RNF144A: variants seen among roughly 807,000 people sequenced by gnomAD.
The protein encoded by RNF144A is E3 ubiquitin-protein ligase RNF144A.
In RNF144A, 11 loss-of-function variants were observed where a neutral mutation model predicts 38.7. The ratio of observed to expected loss-of-function variants is 0.28; its 90% CI spans 0.18 to 0.47. The LOEUF (loss-of-function observed/expected upper bound fraction) is 0.47, where lower values mean the gene tolerates loss of function less well. RNF144A is among the 20% of genes least tolerant of loss of function. The pLI, the probability that RNF144A is intolerant of heterozygous loss-of-function variation, is 0.99. For missense variants in RNF144A, 316 were observed against 377.2 expected, an observed-to-expected ratio of 0.84 and a Z score of 1.34; for synonymous variants, 149 against 143.9, an observed-to-expected ratio of 1.04 and a Z score of -0.25.
intron 2 of RNF144A, among the ~76,000 whole-genome samples, chr2:6,970,627 A>T (rs949437650): frequency 2.0e-5 from 3 of 152,166 alleles, no homozygotes; most frequent in African/African-American, 7.2e-5. Flanking sequence ...CATTTTCCTC[A>T]TTTTATACAG....
chr2:6,956,249 G>T (rs1401875983), intron 2 of RNF144A, among the ~76,000 whole-genome samples: 1 of 151,576 alleles, frequency 6.6e-6, no homozygotes, highest in East Asian at 1.9e-4. Context: ...TTTTTTTCGG[G>T]GGGTGGGGGA....
intron 2 of RNF144A, among the ~76,000 whole-genome samples, chr2:6,954,708 C>T (rs1341375738): frequency 1.3e-5 from 2 of 152,138 alleles, no homozygotes; most frequent in Non-Finnish European, 2.9e-5. Flanking sequence ...TAAGTAGGCA[C>T]AAGAGATTTT....
chr2:7,048,379 C>T (rs1209094299), downstream of RNF144A, among the ~76,000 whole-genome samples: 2 of 152,170 alleles, frequency 1.3e-5, no homozygotes, highest in East Asian at 1.9e-4. Flanking sequence ...CACCCTGGGA[C>T]GTAAACTATT....
intron 1 of RNF144A, chr2:6,918,164 C>A (rs1332270144): frequency 6.6e-6 from 1 of 152,236 alleles, no homozygotes; most frequent in Non-Finnish European, 1.5e-5. Flanking sequence ...CAAGAGGATG[C>A]CCCGCACATC....
chr2:6,999,883 G>T (rs187473723), intron 3 of RNF144A, among the ~76,000 whole-genome samples: 10 of 152,310 alleles, frequency 6.6e-5, no homozygotes, highest in African/African-American at 2.4e-4. Context: ...GGTTCAGTGG[G>T]TTTGCTAATG....
Position 6,958,149 on chromosome 2 carries a change from G to A in RNF144A, c.-12+17002G>A, listed in dbSNP as rs1558383429. 6.6e-6 allele frequency among the ~76,000 whole-genome samples: 1 copy of A among 152,236 alleles called. No homozygotes were observed. The highest frequency in any genetic ancestry group is 6.5e-5 in the Admixed American group (1 of 15,288). On this transcript the variant is annotated intron_variant, in intron 2 of 8. Transcript: ENST00000320892. This position sits in a 1 kb window ranked among gnomAD's most constrained non-coding sequence, Gnocchi z 4.5. ...GGCTGTCATGCGCAGCCACCATGGG[G>A]CACCGGGCGTGCTGTCTCTTCCTGG...
At position 7,014,776 on chromosome 2, in the gene RNF144A, G is replaced by A. The variant is rs1272507230; in HGVS notation, c.301+4G>A. 6.2e-7 allele frequency: 1 copy of A among 1,604,508 alleles called. No individual in the cohort carries two copies. Among genetic ancestry groups the A allele is most frequent in the Non-Finnish European group, 8.5e-7 (1 of 1,171,858 alleles). On this transcript the variant is annotated splice_donor_region_variant and intron_variant, in intron 5 of 8. Coordinates refer to ENST00000320892, the MANE Select transcript of RNF144A (RefSeq NM_014746.6). The stretch of plus-strand genomic sequence containing the variant: ...AAAAAGCTACAATTTGAAAGAGGTA[G>A]GTGCCTGGTATATCTGCCGGTTATG...
chr2:7,003,003 T>A (rs1380980200), intron 3 of RNF144A, among the ~76,000 whole-genome samples: 1 of 151,710 alleles, frequency 6.6e-6, no homozygotes, highest in African/African-American at 2.4e-5. Flanking sequence ...TTAAAAAAAA[T>A]AAAAAAATTT....
chr2:7,052,281 G>A (rs762077530), intron 6 of RNF144A, among the ~76,000 whole-genome samples: 7 of 152,208 alleles, frequency 4.6e-5, no homozygotes, highest in Non-Finnish European at 8.8e-5. Flanking sequence ...CCACCTGGGA[G>A]CTCACTGCCT....
At chr2:7,009,328 G>GA (rs1337725035) in intron 3 of RNF144A, among the ~76,000 whole-genome samples, 3 of 152,210 alleles carry the variant, frequency 2.0e-5, no homozygotes, top group Non-Finnish European at 4.4e-5. Context: ...AAGGGACTTA[G>GA]TCTTAGATAG....
chr2:7,011,822 A>C (rs1165287785), intron 3 of RNF144A, among the ~76,000 whole-genome samples: 1 of 152,168 alleles, frequency 6.6e-6, no homozygotes, highest in Non-Finnish European at 1.5e-5. Flanking sequence ...CTTGTTTTTG[A>C]TGGATGCAAG....
In RNF144A at chr2:7,044,128, A is replaced by T. The variant is rs1180917739; in HGVS notation, c.*4368A>T. On this transcript the variant is annotated 3_prime_UTR_variant, in exon 9 of 9. Transcript: ENST00000320892. ...TACGTAGTTTGTCCCCCCCTTTAGC[A>T]GGGATTCCTTTTTAAAGCTATTTTG... 2 of 985,786 alleles carry T rather than the reference A, an allele frequency of 2.0e-6. No homozygotes were observed. Among genetic ancestry groups the T allele is most frequent in the Non-Finnish European group, 2.4e-6 (2 of 829,916 alleles). The allele number at this position is 985,786 out of a possible 1,614,324, so 61.1% of individuals were successfully genotyped here. A position where few individuals can be genotyped will look rare whatever the true frequency, so the allele number is the denominator to read the frequency against.
chr2:6,972,061 C>T (rs778214574), intron 2 of RNF144A, among the ~76,000 whole-genome samples: 2 of 152,132 alleles, frequency 1.3e-5, no homozygotes, highest in East Asian at 1.9e-4. Context: ...CCCAGGGTTC[C>T]GATCCAGCCC....
intron 1 of RNF144A, among the ~76,000 whole-genome samples, chr2:6,927,608 T>C (rs1044397449): frequency 1.3e-5 from 2 of 152,238 alleles, no homozygotes; most frequent in South Asian, 2.1e-4. Context: ...CAGGCTGTCC[T>C]CTGCGGTAGC....
At chr2:7,004,234 G>T (rs1216413335) in intron 3 of RNF144A, among the ~76,000 whole-genome samples, 1 of 152,208 alleles carries the variant, frequency 6.6e-6, no homozygotes, top group Non-Finnish European at 1.5e-5. Context: ...TCCATCCAGG[G>T]TCTCCTCACT....
Position 7,043,700 on chromosome 2 carries a change from G to A in RNF144A, c.*3940G>A, listed in dbSNP as rs1053758915. On this transcript the variant is annotated 3_prime_UTR_variant, in exon 9 of 9. Coordinates refer to ENST00000320892, the MANE Select transcript of RNF144A (RefSeq NM_014746.6). ...TGCTTCACAACTAGGAGAGCATGCC[G>A]TCTTGATGTTTAAAAAACCCAGGGT... 8 of 985,724 alleles carry A rather than the reference G, an allele frequency of 8.1e-6. No homozygotes were observed. Among genetic ancestry groups the A allele is most frequent in the East Asian group, 1.1e-4 (1 of 8,834 alleles). 61.1% of individuals were successfully genotyped at this position (985,724 alleles called of 1,614,324 possible). A position where few individuals can be genotyped will look rare whatever the true frequency, so the allele number is the denominator to read the frequency against.
At chr2:6,924,391 A>G (rs1264695090) in intron 1 of RNF144A, among the ~76,000 whole-genome samples, 1 of 152,264 alleles carries the variant, frequency 6.6e-6, no homozygotes, top group Non-Finnish European at 1.5e-5. Flanking sequence ...TGGAATGGTT[A>G]GAACCAAGCG....
chr2:7,052,363 T>C (rs908800370), intron 6 of RNF144A, among the ~76,000 whole-genome samples: 4 of 152,168 alleles, frequency 2.6e-5, no homozygotes, highest in Non-Finnish European at 2.9e-5. Flanking sequence ...ATAAATATTA[T>C]TTTGTGCCCA....
intron 7 of RNF144A, among the ~76,000 whole-genome samples, chr2:7,026,383 G>A (rs1200295519): frequency 6.6e-6 from 1 of 152,124 alleles, no homozygotes; most frequent in East Asian, 1.9e-4. Context: ...ATGGCAAGAT[G>A]AATTTTCTTT....
Sources: allele counts gnomAD v4.1 joint callset (sites outside exome capture counted in the v4.1 genomes callset), GRCh38; gene constraint gnomAD v4.1.1; non-coding constraint Gnocchi (gnomAD v3.1); transcripts MANE v1.5; gene names NCBI Gene and HGNC (gene_info 2026-07-23, HGNC 2026-07-21).